SELPLG: variants seen among roughly 807,000 people sequenced by gnomAD.
The protein encoded by SELPLG is P-selectin glycoprotein ligand 1.
SELPLG carries 2 observed loss-of-function variants against 1.1 expected under a neutral mutation model. The observed-to-expected ratio is 1.82, with a 90% CI of 0.74 to 5.71. The LOEUF (loss-of-function observed/expected upper bound fraction) is 5.71. Ranked by LOEUF, SELPLG falls within the 30% of genes most tolerant of loss-of-function variation. The probability of loss-of-function intolerance (pLI) is 0.05; values close to 1 mark genes in which losing one functional copy is unlikely to be tolerated. For missense variants in SELPLG, 478 were observed against 524.7 expected, an observed-to-expected ratio of 0.91 and a Z score of 0.87; for synonymous variants, 230 against 221.2, an observed-to-expected ratio of 1.04 and a Z score of -0.35.
chr12:108,624,624 C>T (rs1341619619), intron 1 of SELPLG, among the ~76,000 whole-genome samples: 2 of 152,030 alleles, frequency 1.3e-5, no homozygotes, highest in African/African-American at 4.8e-5. Context: ...CAAGACAATC[C>T]ACTGGGGTGT....
chr12:108,626,197 C>T (rs1009966495), intron 1 of SELPLG, among the ~76,000 whole-genome samples: 14 of 148,988 alleles, frequency 9.4e-5, no homozygotes, highest in Non-Finnish European at 7.4e-5. Context: ...TGCAGTGGCA[C>T]GACCTTGGCT....
intron 1 of SELPLG, among the ~76,000 whole-genome samples, chr12:108,633,358 G>A (rs1379475500): frequency 6.6e-6 from 1 of 152,174 alleles, no homozygotes; most frequent in Non-Finnish European, 1.5e-5. Context: ...AATATTAGCT[G>A]CATGCGGCGA....
At chr12:108,629,709 G>GA (rs780017782) in intron 1 of SELPLG, among the ~76,000 whole-genome samples, 1 of 151,940 alleles carries the variant, frequency 6.6e-6, no homozygotes, top group African/African-American at 2.4e-5. Flanking sequence ...CTGTCTCTAA[G>GA]AAAAAAACAT....
chr12:108,627,816 G>A (rs1417510751), intron 1 of SELPLG, among the ~76,000 whole-genome samples: 1 of 152,200 alleles, frequency 6.6e-6, no homozygotes, highest in Non-Finnish European at 1.5e-5. Context: ...GCTCACTCCT[G>A]TAATCCGAGG....
In SELPLG at chr12:108,633,871, G is replaced by A. The variant is rs1487209790; in HGVS notation, c.-137C>T. On this transcript the variant is annotated 5_prime_UTR_variant, in exon 1 of 2. Transcript: ENST00000550948. The stretch of plus-strand genomic sequence containing the variant: ...CACCCCCTGCGGCAGTCCCGGATCC[G>A]AGCAACCCCCAATGGCTGTGTGTGG... 4 of 152,398 alleles carry A rather than the reference G, an allele frequency of 2.6e-5. No homozygotes were observed. Among genetic ancestry groups the A allele is most frequent in the African/African-American group, 7.2e-5 (3 of 41,444 alleles). 9.4% of individuals were successfully genotyped at this position (152,398 alleles called of 1,614,324 possible). A position where few individuals can be genotyped will look rare whatever the true frequency, so the allele number is the denominator to read the frequency against.
In SELPLG at chr12:108,623,617, C is replaced by A; in HGVS notation, c.691G>T (p.Ala231Ser). 2 of 1,607,260 alleles carry A rather than the reference C, an allele frequency of 1.2e-6. No homozygotes were observed. Among genetic ancestry groups the A allele is most frequent in the Non-Finnish European group, 1.7e-6 (2 of 1,177,986 alleles). The change falls in exon 2 of 2, where the codon GCA (alanine) becomes TCA (serine). Residue 231 changes from alanine (A) to serine (S), a missense_variant. By Grantham distance (99) the Ala-to-Ser change is moderately conservative. Transcript: ENST00000550948. ...AQTTQTTAME[A>S]QTTAPEATEA... ...GTGGCTTCTGGTGCAGTGGTCTGTG[C>A]CTCCATGGCTGTGGTTTGAGTGGTC...
intron 1 of SELPLG, chr12:108,632,204 G>A (rs1410712700): frequency 1.2e-5 from 5 of 420,804 alleles, no homozygotes; most frequent in African/African-American, 4.0e-5. Context: ...ACCACCCAGG[G>A]CACGGCCTCG....
chr12:108,631,865 T>C (rs1334905694), intron 1 of SELPLG: 1 of 1,534,388 alleles, frequency 6.5e-7, no homozygotes, highest in Admixed American at 2.0e-5. Flanking sequence ...ACACCAGCCA[T>C]CTTATCTCCT....
chr12:108,623,605 C>A lies in SELPLG; in HGVS notation c.703G>T (p.Ala235Ser). 6.3e-7 allele frequency: 1 copy of A among 1,582,600 alleles called. No homozygotes were observed. Among genetic ancestry groups the A allele is most frequent in the East Asian group, 2.3e-5 (1 of 43,760 alleles). ...GTCTGTGCCTCCGTGGCTTCTGGTG[C>A]AGTGGTCTGTGCCTCCATGGCTGTG... Reference protein sequence around the residue: ...QTTAMEAQTTAPEATEAQTTQ... With the variant: ...QTTAMEAQTTSPEATEAQTTQ... Residue 235 changes from alanine (A) to serine (S), a missense_variant, in exon 2 of 2, where the codon GCA (alanine) becomes TCA (serine). Ala to Ser is a moderately conservative substitution (Grantham distance 99, BLOSUM62 1). Coordinates refer to ENST00000550948, the MANE Select transcript of SELPLG (RefSeq NM_003006.4).
At position 108,623,226 on chromosome 12, in the gene SELPLG, T is replaced by C. The variant is rs764635836; in HGVS notation, c.1082A>G (p.Glu361Gly). ...CAACAGGGATGAGATGCAGACCATC[T>C]CGGTGGGGGAGTAATTACGCACGGG... ...MYPVRNYSPT[E>G]MVCISSLLPD... The change falls in exon 2 of 2, where the codon GAG becomes GGG. Residue 361 changes from glutamate (E) to glycine (G), a missense_variant. By Grantham distance (98) the Glu-to-Gly change is moderately conservative. Transcript: ENST00000550948. 12 of 1,613,762 alleles carry C rather than the reference T, an allele frequency of 7.4e-6. No homozygotes were observed. Among genetic ancestry groups the C allele is most frequent in the Admixed American group, 1.7e-5 (1 of 59,982 alleles).
intron 1 of SELPLG, among the ~76,000 whole-genome samples, chr12:108,628,933 G>C (rs576567782): frequency 6.6e-6 from 1 of 152,136 alleles, no homozygotes; most frequent in Non-Finnish European, 1.5e-5. Flanking sequence ...TTGTAAAACC[G>C]GCAATATTGC....
chr12:108,633,370 G>A (rs1483527969), intron 1 of SELPLG, among the ~76,000 whole-genome samples: 3 of 152,196 alleles, frequency 2.0e-5, no homozygotes, highest in Non-Finnish European at 4.4e-5. Context: ...ATGCGGCGAT[G>A]TGCGCCTGTA....
Position 108,624,245 on chromosome 12 carries a change from C to A in SELPLG, c.63G>T (p.Trp21Cys), listed in dbSNP as rs1157301110. ...LLGPGNSLQLWDTWADEAEKA... is the reference protein window; with the variant it reads ...LLGPGNSLQLCDTWADEAEKA... Reference sequence around the variant, plus strand: ...TCTCGGCTTCATCTGCCCAGGTGTCCCACAGCTGCAAGCTGTTGCCAGGGC... The same window carrying A: ...TCTCGGCTTCATCTGCCCAGGTGTCACACAGCTGCAAGCTGTTGCCAGGGC... The change falls in exon 2 of 2, where the codon TGG (tryptophan) becomes TGT (cysteine). Residue 21 changes from tryptophan to cysteine, a missense_variant. Trp to Cys is a radical substitution (Grantham distance 215). Transcript: ENST00000550948. 4 of 1,614,082 alleles carry A rather than the reference C, an allele frequency of 2.5e-6. No individual in the cohort carries two copies. The East Asian group carries it at 6.7e-5, about 27-fold the overall frequency.
intron 1 of SELPLG, among the ~76,000 whole-genome samples, chr12:108,628,940 T>G (rs2031994308): frequency 6.6e-6 from 1 of 152,090 alleles, no homozygotes; most frequent in South Asian, 2.1e-4. Context: ...ACCGGCAATA[T>G]TGCTTAAAAA....
chr12:108,625,868 T>C (rs763896559), intron 1 of SELPLG, among the ~76,000 whole-genome samples: 19 of 152,332 alleles, frequency 1.2e-4, no homozygotes, highest in South Asian at 4.1e-4. Flanking sequence ...AGGATTCAGG[T>C]ATTCCTGCAT....
In SELPLG at chr12:108,621,962, G is replaced by C. The variant is rs779752615; in HGVS notation, c.*1107C>G. ...GGATATTGGTCCGAGGTTTGGGGGG[G>C]ACCAAACTCTGTGGGCCAAAACTGG... On this transcript the variant is annotated 3_prime_UTR_variant, in exon 2 of 2. Transcript: ENST00000550948. Among the ~76,000 whole-genome samples, 2 of 152,142 alleles carry C rather than the reference G, an allele frequency of 1.3e-5. No homozygotes were observed. The highest frequency in any genetic ancestry group is 2.9e-5 in the Non-Finnish European group (2 of 67,996).
At chr12:108,624,841 A>C (rs7306497) in intron 1 of SELPLG, among the ~76,000 whole-genome samples, 4,414 of 151,948 alleles carry the variant, frequency 0.029, 221 homozygotes, top group African/African-American at 0.1. Context: ...AGGCATGCAC[A>C]ACCACACCCA....
chr12:108,624,037 T>C lies in SELPLG; in HGVS notation c.271A>G (p.Thr91Ala), dbSNP rs2031885974. 1 of 1,614,220 alleles carries C rather than the reference T, an allele frequency of 6.2e-7. No homozygotes were observed. Among genetic ancestry groups the C allele is most frequent in the Non-Finnish European group, 8.5e-7 (1 of 1,180,038 alleles). The change falls in exon 2 of 2, where the codon ACT becomes GCT. Residue 91 changes from threonine to alanine, a missense_variant. Transcript: ENST00000550948. ...TTVEPAARRSTGLDAGGAVTE... is the reference protein window; with the variant it reads ...TTVEPAARRSAGLDAGGAVTE... ...ACTGCCCCTCCTGCATCCAGGCCAG[T>C]AGAACGCCTTGCAGCAGGCTCCACA...
Position 108,623,882 on chromosome 12 carries a change from C to G in SELPLG, c.426G>C (p.Gln142His). The G allele has an allele frequency of 9.4e-7, 1 of 1,067,718 alleles. No individual in the cohort carries two copies. 66.1% of individuals were successfully genotyped at this position (1,067,718 alleles called of 1,614,324 possible). ...CCTCTGTGGCTGCCAGTGGAGTGGT[C>G]TGTGCCTCCGTGGGCACTGGTTGAG... is the stretch of plus-strand genomic sequence containing the variant. ...QTTQPVPTEA[Q>H]TTPLAATEAQ... The change falls in exon 2 of 2, where the codon CAG becomes CAC. Residue 142 changes from glutamine to histidine, a missense_variant. By Grantham distance (24) the Gln-to-His change is conservative. Transcript: ENST00000550948.
Sources: allele counts gnomAD v4.1 joint callset (sites outside exome capture counted in the v4.1 genomes callset), GRCh38; gene constraint gnomAD v4.1.1; transcripts MANE v1.5; gene names NCBI Gene and HGNC (gene_info 2026-07-23, HGNC 2026-07-21).